The following LAPTM4B variants were observed in gnomAD, a reference collection of about 807,000 sequenced individuals.
LAPTM4B encodes the protein lysosomal-associated transmembrane protein 4B.
LAPTM4B carries 26 observed loss-of-function variants against 28.5 expected under a neutral mutation model. The observed-to-expected ratio is 0.91, with a 90% confidence interval of 0.67 to 1.27. The LOEUF (loss-of-function observed/expected upper bound fraction) is 1.27, where lower values mean the gene tolerates loss of function less well. LAPTM4B is among the 50% of genes most tolerant of loss of function. The pLI, the probability that LAPTM4B is intolerant of heterozygous loss-of-function variation, is 0.00. For synonymous variants in LAPTM4B, 109 were observed against 106.4 expected (o/e 1.02, Z -0.15); for missense variants, 288 against 285.8 (o/e 1.01, Z -0.06).
intron 6 of LAPTM4B, among the ~76,000 whole-genome samples, chr8:97,847,084 C>T (rs1181758433): frequency 6.6e-6 from 1 of 152,126 alleles, no homozygotes; most frequent in Non-Finnish European, 1.5e-5. Context: ...TAGGCTGTCA[C>T]CTAGCATGAC....
chr8:97,848,245 G>T (rs1486802538), intron 6 of LAPTM4B, among the ~76,000 whole-genome samples: 1 of 152,200 alleles, frequency 6.6e-6, no homozygotes. Flanking sequence ...CTGGGTGACA[G>T]AGCAAGACTC....
rs1464390979 is a variant in LAPTM4B at position 97,776,392 on chromosome 8, C to T, written c.99+284C>T. 2.6e-5 allele frequency among the ~76,000 whole-genome samples: 4 copies of T among 152,178 alleles called. No individual in the cohort carries two copies. The East Asian group carries it at 5.8e-4, about 22-fold the overall frequency. ...GTGTGGGTCGCCGATCTCCAGCCTC[C>T]GCGCAGCCCCGCGGCCTCGCGTAGG... On this transcript the variant is annotated intron_variant, in intron 1 of 6. Transcript: ENST00000521545.
At chr8:97,833,500 A>G (rs748422096) in intron 6 of LAPTM4B, among the ~76,000 whole-genome samples, 5 of 152,218 alleles carry the variant, frequency 3.3e-5, no homozygotes, top group African/African-American at 7.2e-5. Flanking sequence ...TCATAAAGGG[A>G]TAATTTTCTA....
At chr8:97,776,871 A>G (rs544856358) in intron 1 of LAPTM4B, among the ~76,000 whole-genome samples, 40 of 151,978 alleles carry the variant, frequency 2.6e-4, no homozygotes, top group Admixed American at 2.6e-3. Context: ...TCCTGGTTGG[A>G]ACTTTTGAAG....
intron 1 of LAPTM4B, among the ~76,000 whole-genome samples, chr8:97,785,484 A>T (rs1816386116): frequency 6.6e-6 from 1 of 152,106 alleles, no homozygotes; most frequent in Non-Finnish European, 1.5e-5. Context: ...AAATATATTT[A>T]ACTTCGACCT....
At chr8:97,786,931 T>A (rs1816412985) in intron 1 of LAPTM4B, among the ~76,000 whole-genome samples, 1 of 152,150 alleles carries the variant, frequency 6.6e-6, no homozygotes, top group South Asian at 2.1e-4. Context: ...AGAAGTTTAT[T>A]TCTTTCCTGT....
At chr8:97,801,864 A>G (rs996059164) in intron 1 of LAPTM4B, among the ~76,000 whole-genome samples, 2 of 143,840 alleles carry the variant, frequency 1.4e-5, no homozygotes, top group Non-Finnish European at 3.1e-5. Flanking sequence ...AAAAAAAAGT[A>G]TAGAGGGATT....
In LAPTM4B at chr8:97,819,686, G is replaced by A. The variant is rs929023263; in HGVS notation, c.507+448G>A. On this transcript the variant is annotated intron_variant, in intron 5 of 6. Coordinates refer to ENST00000521545, the MANE Select transcript of LAPTM4B (RefSeq NM_018407.6). ...ATAGGGCTGTAGTGAATATATTTAA[G>A]TACATCCTTATATTTATGCATTTAT... Among the ~76,000 whole-genome samples the A allele has an allele frequency of 1.6e-4, 23 of 144,926 alleles. No homozygotes were observed. The South Asian group carries it at 4.8e-3, about 30-fold the overall frequency.
At chr8:97,846,397 A>G (rs550095090) in intron 6 of LAPTM4B, among the ~76,000 whole-genome samples, 1 of 147,758 alleles carries the variant, frequency 6.8e-6, no homozygotes, top group East Asian at 2.0e-4. Flanking sequence ...GCGCGATCTC[A>G]GCTCACCACA....
At chr8:97,838,631 C>T (rs1175475996) in intron 6 of LAPTM4B, among the ~76,000 whole-genome samples, 1 of 152,198 alleles carries the variant, frequency 6.6e-6, no homozygotes. Context: ...GACCCACTCA[C>T]CTCCTCCTAA....
intron 1 of LAPTM4B, among the ~76,000 whole-genome samples, chr8:97,782,306 T>TTTTTTTG (rs1816334066): frequency 8.6e-6 from 1 of 116,660 alleles, no homozygotes. Flanking sequence ...TTTTTTTTTT[T>TTTTTTTG]GTGACAAGAT....
intron 5 of LAPTM4B, among the ~76,000 whole-genome samples, chr8:97,822,466 A>C (rs1036603784): frequency 3.9e-5 from 6 of 151,986 alleles, no homozygotes; most frequent in South Asian, 2.1e-4. Context: ...ACTTATTTGA[A>C]ATGCCCACAT....
At chr8:97,802,942 T>C (rs928344479) in intron 1 of LAPTM4B, among the ~76,000 whole-genome samples, 1 of 152,058 alleles carries the variant, frequency 6.6e-6, no homozygotes, top group Non-Finnish European at 1.5e-5. Flanking sequence ...GCCTCACGCC[T>C]ATAATCCTAG....
chr8:97,821,969 C>T (rs1817010775), intron 5 of LAPTM4B, among the ~76,000 whole-genome samples: 1 of 152,152 alleles, frequency 6.6e-6, no homozygotes, highest in South Asian at 2.1e-4. Flanking sequence ...TGAATTGAGT[C>T]TAAATTTCCA....
At chr8:97,806,913 G>A (rs1348706667) in intron 2 of LAPTM4B, among the ~76,000 whole-genome samples, 4 of 152,082 alleles carry the variant, frequency 2.6e-5, no homozygotes, top group Admixed American at 1.3e-4. Flanking sequence ...AGCCGAGATC[G>A]CGCCAGTGCA....
chr8:97,836,122 C>T lies in LAPTM4B; in HGVS notation c.603+10969C>T, dbSNP rs540720649. ...TTAGCAAAGTTGTCTTCCATGAAAC[C>T]AGGGACTGCCGATGTAGATTATGGT... On this transcript the variant is annotated intron_variant, in intron 6 of 6. Transcript: ENST00000521545. Among the ~76,000 whole-genome samples the T allele has an allele frequency of 5.9e-5, 9 of 152,254 alleles. No homozygotes were observed. In the South Asian group the frequency reaches 1.7e-3, roughly 28 times the overall value.
chr8:97,793,043 GA>G (rs3072546), intron 1 of LAPTM4B, among the ~76,000 whole-genome samples: 71,017 of 151,824 alleles, frequency 0.47, 17,066 homozygotes, highest in African/African-American at 0.56. Context: ...ACTCTAGAAT[GA>G]AAAAAAAATA....
At chr8:97,813,108 T>C (rs1342965508) in intron 2 of LAPTM4B, among the ~76,000 whole-genome samples, 2 of 152,244 alleles carry the variant, frequency 1.3e-5, no homozygotes, top group African/African-American at 2.4e-5. Flanking sequence ...GATTGACTTA[T>C]ATGACCACAA....
rs537981484 is a variant in LAPTM4B, at chr8:97,851,890, C to G, written c.*416C>G. 1 of 171,588 alleles carries G rather than the reference C, an allele frequency of 5.8e-6. No homozygotes were observed. The highest frequency in any genetic ancestry group is 1.7e-4 in the East Asian group (1 of 6,034). The allele number at this position is 171,588 out of a possible 1,614,324, so 10.6% of individuals were successfully genotyped here. ...GCCATTCCAGCATAGAGAACAAAAC[C>G]TTATGGAAACAGGAATGTCAATTGT... On this transcript the variant is annotated 3_prime_UTR_variant, in exon 7 of 7. Coordinates refer to ENST00000521545, the MANE Select transcript of LAPTM4B (RefSeq NM_018407.6).
Sources: allele counts gnomAD v4.1 joint callset (sites outside exome capture counted in the v4.1 genomes callset), GRCh38; gene constraint gnomAD v4.1.1; transcripts MANE v1.5; gene names NCBI Gene and HGNC (gene_info 2026-07-23, HGNC 2026-07-21).